The following GRIK4 variants were observed in gnomAD, a reference collection of about 807,000 sequenced individuals.
GRIK4 encodes the protein glutamate ionotropic receptor kainate type subunit 4, also known as glutamate receptor ionotropic, kainate 4.
In GRIK4, 40 loss-of-function variants were observed where a neutral mutation model predicts 104.9. The ratio of observed to expected loss-of-function variants is 0.38; its 90% CI spans 0.30 to 0.50. The LOEUF is 0.50. Ranked by LOEUF, GRIK4 falls within the 20% of genes least tolerant of loss-of-function variation. The probability of loss-of-function intolerance (pLI) is 0.93; values close to 1 mark genes in which losing one functional copy is unlikely to be tolerated. For synonymous variants in GRIK4, 485 were observed against 524.9 expected, an observed-to-expected ratio of 0.92 and a Z score of 1.04; for missense variants, 1,047 against 1,308.1, an observed-to-expected ratio of 0.80 and a Z score of 3.08.
chr11:120,690,914 C>T (rs1458983223), intron 3 of GRIK4, among the ~76,000 whole-genome samples: 1 of 152,202 alleles, frequency 6.6e-6, no homozygotes, highest in Non-Finnish European at 1.5e-5. Context: ...TGTAGGCCCT[C>T]GTTCTCTAGG....
At chr11:120,898,415 A>T (rs1458225341) in intron 11 of GRIK4, 117 bp from the exon 12 acceptor site, 1 of 623,920 alleles carries the variant, frequency 1.6e-6, no homozygotes, top group Non-Finnish European at 2.9e-6. Context: ...CCGGCTCCGT[A>T]CTCCACACCC....
chr11:120,579,610 A>G (rs1251598433), intron 1 of GRIK4, among the ~76,000 whole-genome samples: 2 of 152,214 alleles, frequency 1.3e-5, no homozygotes, highest in African/African-American at 2.4e-5. Context: ...CAGCTTATAA[A>G]GGATAAATCA....
intron 1 of GRIK4, among the ~76,000 whole-genome samples, chr11:120,514,132 C>G (rs1420400498): frequency 6.6e-6 from 1 of 152,052 alleles, no homozygotes; most frequent in Non-Finnish European, 1.5e-5. Context: ...GCTCAGAAGG[C>G]AAGAGAAGCA....
intron 3 of GRIK4, among the ~76,000 whole-genome samples, chr11:120,725,527 G>A (rs1476579574): frequency 1.3e-5 from 2 of 152,146 alleles, no homozygotes; most frequent in Non-Finnish European, 2.9e-5. Flanking sequence ...GGGAAGAAAT[G>A]TAACAGTGTG....
chr11:120,621,875 A>G (rs1426014759), intron 1 of GRIK4, among the ~76,000 whole-genome samples: 1 of 151,764 alleles, frequency 6.6e-6, no homozygotes, highest in Non-Finnish European at 1.5e-5. Context: ...GTCTTTATAT[A>G]TGTCATTTAT....
intron 1 of GRIK4, among the ~76,000 whole-genome samples, chr11:120,614,407 C>T (rs534989268): frequency 1.2e-4 from 18 of 152,274 alleles, no homozygotes; most frequent in Admixed American, 9.8e-4. Flanking sequence ...GCACTTGGGG[C>T]CTGTCCCATG....
intron 1 of GRIK4, among the ~76,000 whole-genome samples, chr11:120,596,465 G>C (rs565034732): frequency 2.6e-5 from 4 of 152,344 alleles, no homozygotes; most frequent in African/African-American, 7.2e-5. Context: ...GCTTCAGAGA[G>C]AGACTGGAGA....
At chr11:120,601,113 C>T (rs1249379247) in intron 1 of GRIK4, among the ~76,000 whole-genome samples, 2 of 150,860 alleles carry the variant, frequency 1.3e-5, no homozygotes, top group African/African-American at 4.9e-5. Context: ...ACAAGAAGAA[C>T]TTGGTCCAGG....
chr11:120,592,513 A>G (rs1455782321), intron 1 of GRIK4, among the ~76,000 whole-genome samples: 2 of 152,186 alleles, frequency 1.3e-5, no homozygotes, highest in Non-Finnish European at 2.9e-5. Context: ...TTCCTAACTG[A>G]AAATCATAGT....
At chr11:120,764,248 A>G (rs1951795462) in intron 3 of GRIK4, among the ~76,000 whole-genome samples, 2 of 152,048 alleles carry the variant, frequency 1.3e-5, no homozygotes, top group South Asian at 4.2e-4. Context: ...CTGTTTTATC[A>G]GAGACTAGGA....
rs545692944 is a variant in GRIK4 at position 120,620,089 on chromosome 11, G to T, written c.-158-33596G>T. 61 of 722,148 alleles carry T rather than the reference G, an allele frequency of 8.4e-5. No homozygotes were observed. The African/African-American group carries it at 9.0e-4, about 11-fold the overall frequency. 44.7% of individuals were successfully genotyped at this position (722,148 alleles called of 1,614,324 possible). On this transcript the variant is annotated intron_variant, in intron 1 of 20. Transcript: ENST00000527524. Reference sequence around the variant, plus strand: ...ATGTGAAGGTACCTCTCTAAAACTGGCCTCATTGGTTTCGTTCTCAGCAAA... The same window carrying T: ...ATGTGAAGGTACCTCTCTAAAACTGTCCTCATTGGTTTCGTTCTCAGCAAA...
rs1184339548 is a variant in GRIK4 at position 120,903,631 on chromosome 11, C to T, written c.1273-1659C>T. On this transcript the variant is annotated intron_variant, in intron 12 of 20. Coordinates refer to ENST00000527524, the MANE Select transcript of GRIK4 (RefSeq NM_014619.5). This position sits in a 1 kb window ranked among gnomAD's most constrained non-coding sequence, Gnocchi z 4.4. ...TTCCTACACCCTGCTGCCCTTCAAG[C>T]TGCCCTCCAACGTAGGGAGTCACAG... is the stretch of plus-strand genomic sequence containing the variant. Among the ~76,000 whole-genome samples, 1 of 152,216 alleles carries T rather than the reference C, an allele frequency of 6.6e-6. No individual in the cohort carries two copies. Among genetic ancestry groups the T allele is most frequent in the Non-Finnish European group, 1.5e-5 (1 of 68,040 alleles).
chr11:120,976,392 G>C (rs1350851551), intron 19 of GRIK4, among the ~76,000 whole-genome samples: 1 of 152,154 alleles, frequency 6.6e-6, no homozygotes, highest in South Asian at 2.1e-4. Flanking sequence ...AGAAGAAATG[G>C]CAAACTTACC....
At chr11:120,736,502 T>A (rs1951224654) in intron 3 of GRIK4, among the ~76,000 whole-genome samples, 1 of 152,166 alleles carries the variant, frequency 6.6e-6, no homozygotes. Context: ...GCCTAAGACA[T>A]TTTACACTGT....
At position 120,564,986 on chromosome 11, in the gene GRIK4, G is replaced by C. The variant is rs1270753810; in HGVS notation, c.-159+53099G>C. Among the ~76,000 whole-genome samples the C allele has an allele frequency of 6.1e-5, 3 of 48,828 alleles. No individual in the cohort carries two copies. The South Asian group carries it at 1.2e-3, about 20-fold the overall frequency. The allele number at this position is 48,828 out of a possible 152,430, so 32.0% of individuals were successfully genotyped here. A position where few individuals can be genotyped will look rare whatever the true frequency, so the allele number is the denominator to read the frequency against. On this transcript the variant is annotated intron_variant, in intron 1 of 20. Coordinates refer to ENST00000527524, the MANE Select transcript of GRIK4 (RefSeq NM_014619.5). Reference sequence around the variant, plus strand: ...CGGCTCCGCCGGCTGCGGGGGGGTGGGGGGGGTGGGGTGTCCTGTGTAGCC... The same window carrying C: ...CGGCTCCGCCGGCTGCGGGGGGGTGCGGGGGGTGGGGTGTCCTGTGTAGCC...
At chr11:120,730,050 C>G (rs1951101490) in intron 3 of GRIK4, among the ~76,000 whole-genome samples, 1 of 152,062 alleles carries the variant, frequency 6.6e-6, no homozygotes, top group African/African-American at 2.4e-5. Context: ...TTCTTGGCAC[C>G]TTTGTTGAAA....
At chr11:120,661,527 T>C (rs945639805) in intron 3 of GRIK4, among the ~76,000 whole-genome samples, 3 of 152,224 alleles carry the variant, frequency 2.0e-5, no homozygotes, top group Non-Finnish European at 4.4e-5. Flanking sequence ...AGAGCAAAGA[T>C]GGCACGATGC....
At chr11:120,978,691 G>A (rs1944602581) in intron 19 of GRIK4, among the ~76,000 whole-genome samples, 1 of 152,020 alleles carries the variant, frequency 6.6e-6, no homozygotes, top group African/African-American at 2.4e-5. Flanking sequence ...TAGGGAGAAG[G>A]GTAAGAAACT....
At chr11:120,936,282 G>A (rs947886874) in intron 13 of GRIK4, 17 of 511,984 alleles carry the variant, frequency 3.3e-5, no homozygotes, top group Admixed American at 5.9e-5. Flanking sequence ...CAGCTCCTTT[G>A]CAACATCACC....
Sources: gnomAD v4.1 joint callset for allele counts (sites outside exome capture counted in the v4.1 genomes callset) on GRCh38, gnomAD v4.1.1 for gene constraint, Gnocchi (gnomAD v3.1) non-coding constraint, MANE v1.5 for transcripts, NCBI Gene and HGNC (gene_info 2026-07-23, HGNC 2026-07-21) for gene names.